The following CDC73 variants were observed in gnomAD, a reference collection of about 807,000 sequenced individuals.
The protein encoded by CDC73 is parafibromin.
A neutral mutation model predicts 83.7 loss-of-function variants in CDC73; 21 were observed. The observed-to-expected ratio is 0.25, with a 90% CI of 0.18 to 0.36. The LOEUF (loss-of-function observed/expected upper bound fraction) is 0.36. Among genes scored for constraint, CDC73 ranks in the 10% least tolerant of loss-of-function variants. The pLI, the probability that CDC73 is intolerant of heterozygous loss-of-function variation, is 1.00. For synonymous variants in CDC73, 224 were observed against 212.9 expected, an observed-to-expected ratio of 1.05 and a Z score of -0.45; for missense variants, 342 against 653.3, an observed-to-expected ratio of 0.52 and a Z score of 5.19.
chr1:193,200,613 A>T (rs1250752133), intron 10 of CDC73, among the ~76,000 whole-genome samples: 3 of 152,170 alleles, frequency 2.0e-5, no homozygotes, highest in Non-Finnish European at 4.4e-5. Context: ...CACTTAGCAC[A>T]ACTTGTCAGC....
At chr1:193,198,160 G>T (rs1677033659) in intron 10 of CDC73, among the ~76,000 whole-genome samples, 1 of 152,162 alleles carries the variant, frequency 6.6e-6, no homozygotes, top group Non-Finnish European at 1.5e-5. Flanking sequence ...TGGAGGAGTA[G>T]TAGTTTCTGA....
chr1:193,136,086 A>G (rs12126529), intron 5 of CDC73, among the ~76,000 whole-genome samples: 103,550 of 151,892 alleles, frequency 0.68, 35,794 homozygotes, highest in South Asian at 0.82. Context: ...TGGCCAGGCT[A>G]CAGAATTCTT....
At chr1:193,224,354 TATGAAATATGCATTCACATATACAC>T (rs1234935961) in intron 13 of CDC73, among the ~76,000 whole-genome samples, 7 of 152,122 alleles carry the variant, frequency 4.6e-5, no homozygotes, top group African/African-American at 1.7e-4. Context: ...TATATATATA[TATGAAATATGCATTCACATATACAC>T]ATATATGAAA....
intron 2 of CDC73, among the ~76,000 whole-genome samples, chr1:193,129,658 A>G (rs1675659298): frequency 1.3e-5 from 2 of 151,470 alleles, no homozygotes; most frequent in East Asian, 2.0e-4. Flanking sequence ...GATTACAAGC[A>G]TGCTTCACCA....
Position 193,141,754 on chromosome 1 carries a change from G to C in CDC73, c.513-96G>C, listed in dbSNP as rs548355085. Reference sequence around the variant, plus strand: ...GAAAACCTTAATTATTGCCATGTAAGTGTTTTTACCAGAAATTTATAAATG... The same window carrying C: ...GAAAACCTTAATTATTGCCATGTAACTGTTTTTACCAGAAATTTATAAATG... On this transcript the variant is annotated intron_variant, in intron 6 of 16. Transcript: ENST00000367435. 1.7e-5 allele frequency: 13 copies of C among 780,848 alleles called. 1 individual carries two copies. In the South Asian group the frequency reaches 2.0e-4, roughly 12 times the overall value. The allele number at this position is 780,848 out of a possible 1,614,324, so 48.4% of individuals were successfully genotyped here.
At position 193,152,405 on chromosome 1, in the gene CDC73, T is replaced by A. The variant is rs1409062093; in HGVS notation, c.933T>A (p.Thr311=). The part of the protein sequence containing the change: ...KEETEGFKID[T]MGTYHGMTLK... ...AAACGGAAGGCTTCAAAATTGACACTATGGGAACCTACCATGGTATGACAC... is the reference window on the plus strand; with the variant it reads ...AAACGGAAGGCTTCAAAATTGACACAATGGGAACCTACCATGGTATGACAC... The change falls in exon 10 of 17, where the codon ACT becomes ACA. Residue 311 remains threonine (T), a synonymous_variant. Transcript: ENST00000367435. 1 of 1,611,584 alleles carries A rather than the reference T, an allele frequency of 6.2e-7. No individual in the cohort carries two copies. Among genetic ancestry groups the A allele is most frequent in the African/African-American group, 1.3e-5 (1 of 74,886 alleles).
At chr1:193,210,157 T>G (rs1558312118) in intron 11 of CDC73, among the ~76,000 whole-genome samples, 1 of 152,204 alleles carries the variant, frequency 6.6e-6, no homozygotes, top group East Asian at 1.9e-4. Flanking sequence ...TGTCTCAGTA[T>G]GTGTTTGTGT....
At chr1:193,192,437 T>A (rs1022954698) in intron 10 of CDC73, among the ~76,000 whole-genome samples, 1 of 152,032 alleles carries the variant, frequency 6.6e-6, no homozygotes, top group Non-Finnish European at 1.5e-5. Flanking sequence ...AGTGAGACAC[T>A]GTCTCATAAA....
At chr1:193,212,524 A>G (rs757054031) in intron 13 of CDC73, 47 bp downstream of exon 13, 7 of 1,220,686 alleles carry the variant, frequency 5.7e-6, no homozygotes, top group African/African-American at 3.0e-5. Context: ...TTGAGATACC[A>G]TTGGAAAATA....
intron 5 of CDC73, 58 bp downstream of exon 5, chr1:193,135,647 T>C (rs765308159): frequency 2.3e-5 from 32 of 1,373,804 alleles, no homozygotes; most frequent in Non-Finnish European, 3.0e-5. Flanking sequence ...TTGGGATTCT[T>C]TAGTAACAAG....
At chr1:193,148,934 C>G (rs937326354) in intron 8 of CDC73, among the ~76,000 whole-genome samples, 1 of 152,024 alleles carries the variant, frequency 6.6e-6, no homozygotes, top group African/African-American at 2.4e-5. Flanking sequence ...TTTTAAAACT[C>G]TGTTTCAAGT....
intron 10 of CDC73, chr1:193,180,039 G>T: frequency 3.5e-6 from 1 of 286,294 alleles, no homozygotes; most frequent in Non-Finnish European, 6.4e-6. Flanking sequence ...ATTGATTTAT[G>T]CATGCTTGTT....
At position 193,147,885 on chromosome 1, in the gene CDC73, T is replaced by G; in HGVS notation, c.748T>G (p.Phe250Val). The change falls in exon 8 of 17, where the codon TTT (phenylalanine) becomes GTT (valine). Residue 250 changes from phenylalanine to valine, a missense_variant. Coordinates refer to ENST00000367435, the MANE Select transcript of CDC73 (RefSeq NM_024529.5). ...ATTTTAGAATTTTTCCAAGAACATTTTTGCAATTCTTCAATCTGTAAAAGC... is the reference window on the plus strand; with the variant it reads ...ATTTTAGAATTTTTCCAAGAACATTGTTGCAATTCTTCAATCTGTAAAAGC... ...STGKNFSKNI[F>V]AILQSVKARE... The G allele has an allele frequency of 1.9e-6, 3 of 1,609,164 alleles. No individual in the cohort carries two copies. The highest frequency in any genetic ancestry group is 2.6e-6 in the Non-Finnish European group (3 of 1,175,836).
intron 10 of CDC73, among the ~76,000 whole-genome samples, chr1:193,194,947 C>G (rs1049071578): frequency 6.6e-6 from 1 of 151,964 alleles, no homozygotes; most frequent in Non-Finnish European, 1.5e-5. Context: ...CATATACACA[C>G]ATATAGATTT....
At chr1:193,217,620 G>A (rs1430214893) in intron 13 of CDC73, among the ~76,000 whole-genome samples, 13 of 151,984 alleles carry the variant, frequency 8.6e-5, no homozygotes, top group Admixed American at 8.5e-4. Flanking sequence ...GTCTTCTTCT[G>A]CTGATATGCT....
At chr1:193,173,248 CTTAA>C (rs1203611864) in intron 10 of CDC73, among the ~76,000 whole-genome samples, 2 of 152,134 alleles carry the variant, frequency 1.3e-5, no homozygotes, top group Admixed American at 1.3e-4. Flanking sequence ...TTCTTAATTA[CTTAA>C]TTATAAAACA....
intron 11 of CDC73, among the ~76,000 whole-genome samples, chr1:193,209,881 C>G (rs1485207162): frequency 6.6e-6 from 1 of 152,032 alleles, no homozygotes. Flanking sequence ...TTCCTCTCCC[C>G]CCTCTCTGCC....
chr1:193,228,789 A>G (rs966912214), intron 13 of CDC73, among the ~76,000 whole-genome samples: 23 of 152,162 alleles, frequency 1.5e-4, no homozygotes, highest in African/African-American at 4.6e-4. Context: ...TGAACCATAA[A>G]AAGAAATTTT....
chr1:193,169,540 G>T lies in CDC73; in HGVS notation c.972+17096G>T, dbSNP rs539296818. 2.2e-4 allele frequency among the ~76,000 whole-genome samples: 34 copies of T among 151,990 alleles called. No homozygotes were observed. In the East Asian group the frequency reaches 6.4e-3, roughly 29 times the overall value. On this transcript the variant is annotated intron_variant, in intron 10 of 16. Transcript: ENST00000367435. ...AGCCTGGGCGACATAGCAAGACTCT[G>T]TCTCAAAAAAAAATAAAAAATAAAT...
Sources: gnomAD v4.1 joint callset for allele counts (sites outside exome capture counted in the v4.1 genomes callset) on GRCh38, gnomAD v4.1.1 for gene constraint, MANE v1.5 for transcripts, NCBI Gene and HGNC (gene_info 2026-07-23, HGNC 2026-07-21) for gene names.